The following ZIC4 variants were observed in gnomAD, a reference collection of about 807,000 sequenced individuals.
ZIC4 encodes the protein Zic family zinc finger 4, also known as zinc finger protein ZIC 4.
A neutral mutation model predicts 28.8 loss-of-function variants in ZIC4; 15 were observed. The ratio of observed to expected loss-of-function variants is 0.52; its 90% confidence interval spans 0.35 to 0.80. The LOEUF (loss-of-function observed/expected upper bound fraction) is 0.80. ZIC4 is among the 30% of genes least tolerant of loss of function. ZIC4 has a pLI of 0.01. For synonymous variants in ZIC4, 220 were observed against 198.1 expected, an observed-to-expected ratio of 1.11 and a Z score of -0.93; for missense variants, 512 against 467.1, an observed-to-expected ratio of 1.10 and a Z score of -0.89.
In ZIC4 at chr3:147,389,085, G is replaced by A. The variant is rs541836276; in HGVS notation, c.*-226C>T. The stretch of plus-strand genomic sequence containing the variant: ...TGGTGGGGTTGGTGTTTCACTATGG[G>A]AAGGAGTTGTTTGTTGCCGACTGCC... On this transcript the variant is annotated intron_variant, in intron 4 of 4. Transcript: ENST00000383075. The A allele has an allele frequency of 5.0e-4, 294 of 582,594 alleles. 4 individuals are homozygous for A. The highest frequency in any genetic ancestry group is 5.0e-3 in the South Asian group (227 of 45,056). The allele number at this position is 582,594 out of a possible 1,614,324, so 36.1% of individuals were successfully genotyped here. A position where few individuals can be genotyped will look rare whatever the true frequency, so the allele number is the denominator to read the frequency against.
intron 4 of ZIC4, among the ~76,000 whole-genome samples, chr3:147,389,695 A>G (rs1368989278): frequency 6.6e-6 from 1 of 152,118 alleles, no homozygotes; most frequent in Non-Finnish European, 1.5e-5. Flanking sequence ...CATACGCAGC[A>G]TATCAAATAC....
At chr3:147,394,618 G>A (rs2086999694) in intron 3 of ZIC4, among the ~76,000 whole-genome samples, 1 of 152,098 alleles carries the variant, frequency 6.6e-6, no homozygotes, top group Admixed American at 6.5e-5. Flanking sequence ...CCTTCCCGAA[G>A]CTAAAACCTC....
At chr3:147,392,677 T>C (rs550553553) in intron 3 of ZIC4, 1 of 153,880 alleles carries the variant, frequency 6.5e-6, no homozygotes, top group Admixed American at 6.5e-5. Context: ...AACAGGCGCT[T>C]TGGGGCTGGT....
rs767781944 is a variant in ZIC4 at position 147,395,913 on chromosome 3, C to A, written c.627G>T (p.Pro209=). ...ATCTAGCAAAGACCTTCCCACACCCCGGGAAAGGACAAGGGAAGGGCTTCT... is the reference window on the plus strand; with the variant it reads ...ATCTAGCAAAGACCTTCCCACACCCAGGGAAAGGACAAGGGAAGGGCTTCT... ...TGEKPFPCPF[P]GCGKVFARSE... is the part of the protein sequence containing the mutation. Residue 209 remains proline (P), a synonymous_variant, in exon 3 of 5, where the codon CCG becomes CCT. Transcript: ENST00000383075. 6.2e-7 allele frequency: 1 copy of A among 1,614,216 alleles called. No homozygotes were observed. Among genetic ancestry groups the A allele is most frequent in the Non-Finnish European group, 8.5e-7 (1 of 1,180,050 alleles).
At chr3:147,397,326 GTCTC>G (rs144173805) in intron 2 of ZIC4, 29 of 149,664 alleles carry the variant, frequency 1.9e-4, no homozygotes, top group African/African-American at 3.7e-4. Context: ...CACGCGGTCG[GTCTC>G]TCTCTCTCTC....
rs2087276424 is a variant in ZIC4 at position 147,406,369 on chromosome 3, C to G, written c.-22G>C. ...CCTGGACTCACGCACTTACCCCACT[C>G]CACCTGTTGCCAGGATCGCCTCATT... On this transcript the variant is annotated 5_prime_UTR_variant, in exon 1 of 5. Transcript: ENST00000383075. 6.6e-6 allele frequency: 1 copy of G among 152,572 alleles called. No individual in the cohort carries two copies. The highest frequency in any genetic ancestry group is 2.4e-5 in the African/African-American group (1 of 41,456). 9.5% of individuals were successfully genotyped at this position (152,572 alleles called of 1,614,324 possible). A position where few individuals can be genotyped will look rare whatever the true frequency, so the allele number is the denominator to read the frequency against.
chr3:147,400,587 C>T (rs1426830895), intron 2 of ZIC4, among the ~76,000 whole-genome samples: 1 of 152,192 alleles, frequency 6.6e-6, no homozygotes. Flanking sequence ...TGTTGGTTGG[C>T]TAAACCCAGC....
intron 4 of ZIC4, 129 bp downstream of exon 4, chr3:147,390,802 G>T: frequency 8.3e-7 from 1 of 1,210,746 alleles, no homozygotes. Context: ...GGTGTGTGCG[G>T]AAGCAGCAAT....
In ZIC4 at chr3:147,387,209, T is replaced by C. The variant is rs1328273535; in HGVS notation, c.*1650A>G. 1 of 152,440 alleles carries C rather than the reference T, an allele frequency of 6.6e-6. No homozygotes were observed. Among genetic ancestry groups the C allele is most frequent in the East Asian group, 1.9e-4 (1 of 5,200 alleles). 9.4% of individuals were successfully genotyped at this position (152,440 alleles called of 1,614,324 possible). ...TCACCAGACCAGGCCCTGACCCTGA[T>C]GTCTAGGCATTGCTTTTGTTTATCC... is the stretch of plus-strand genomic sequence containing the variant. On this transcript the variant is annotated 3_prime_UTR_variant, in exon 5 of 5. Coordinates refer to ENST00000383075, the MANE Select transcript of ZIC4 (RefSeq NM_032153.6).
rs1002170336 is a variant in ZIC4 at position 147,404,375 on chromosome 3, C to T, written c.-15-1563G>A. 5.8e-6 allele frequency: 6 copies of T among 1,039,990 alleles called. No individual in the cohort carries two copies. In the African/African-American group the frequency reaches 6.6e-5, roughly 11 times the overall value. 64.4% of individuals were successfully genotyped at this position (1,039,990 alleles called of 1,614,324 possible). On this transcript the variant is annotated intron_variant, in intron 1 of 4. Coordinates refer to ENST00000383075, the MANE Select transcript of ZIC4 (RefSeq NM_032153.6). ...TTGGACTAGGGCAGGCAACAGGGAC[C>T]TTAGGAGGCTCTCTGTAGCGTTTCC...
At chr3:147,403,983 T>C (rs1240082069) in intron 1 of ZIC4, 1 of 1,537,082 alleles carries the variant, frequency 6.5e-7, no homozygotes, top group East Asian at 2.4e-5. Context: ...GAGGGTATTA[T>C]TATTTTCAAT....
Position 147,391,041 on chromosome 3 carries a change from G to A in ZIC4, c.894C>T (p.Tyr298=), listed in dbSNP as rs563935904. The A allele has an allele frequency of 1.3e-5, 21 of 1,613,840 alleles. No homozygotes were observed. In the East Asian group the frequency reaches 4.2e-4, roughly 33 times the overall value. ...HGRSPPPSSG[Y]DSATPSALVS... is the part of the protein sequence containing the mutation. ...CGAGGGCAGACGGTGTAGCCGAATC[G>A]TAGCCAGAGCTGGGCGGCGGCGAGC... The change falls in exon 4 of 5, where the codon TAC becomes TAT. Residue 298 remains tyrosine, a synonymous_variant. Coordinates refer to ENST00000383075, the MANE Select transcript of ZIC4 (RefSeq NM_032153.6).
chr3:147,396,545 G>A lies in ZIC4; in HGVS notation c.71-76C>T. ...GCTCTTCCCTGGGCCCCGGGGGGCA[G>A]GCCCAGCCCTGCCGCACTACGGCCT... On this transcript the variant is annotated intron_variant, in intron 2 of 4. Transcript: ENST00000383075. The surrounding 1 kb of genome is among the most constrained non-coding windows in gnomAD (Gnocchi z 4.2). 6.8e-7 allele frequency: 1 copy of A among 1,466,706 alleles called. No individual in the cohort carries two copies. The allele number at this position is 1,466,706 out of a possible 1,614,324, so 90.9% of individuals were successfully genotyped here.
chr3:147,404,061 AG>A (rs1559966137), intron 1 of ZIC4: 1 of 1,537,208 alleles, frequency 6.5e-7, no homozygotes, highest in Non-Finnish European at 8.7e-7. Flanking sequence ...CAGGAAAGAA[AG>A]GAGGCCTAAC....
At position 147,395,706 on chromosome 3, in the gene ZIC4, C is replaced by T. The variant is rs1297079904; in HGVS notation, c.688+146G>A. 7.8e-6 allele frequency: 10 copies of T among 1,283,692 alleles called. No individual in the cohort carries two copies. The Admixed American group carries it at 1.2e-4, about 15-fold the overall frequency. 79.5% of individuals were successfully genotyped at this position (1,283,692 alleles called of 1,614,324 possible). On this transcript the variant is annotated intron_variant, in intron 3 of 4. Transcript: ENST00000383075. Reference sequence around the variant, plus strand: ...ACTTCTGTGATTCTAAGAATAGAAGCGCATAATTAATATTTTATGGCCTTG... The same window carrying T: ...ACTTCTGTGATTCTAAGAATAGAAGTGCATAATTAATATTTTATGGCCTTG...
At position 147,403,590 on chromosome 3, in the gene ZIC4, C is replaced by T. The variant is rs568209333; in HGVS notation, c.-15-778G>A. On this transcript the variant is annotated intron_variant, in intron 1 of 4. Transcript: ENST00000383075. Reference sequence around the variant, plus strand: ...AAATACTTAAAGCCATCCTGAGGACCTCTGCATCTGTCAGGCAAGGCTGAG... The same window carrying T: ...AAATACTTAAAGCCATCCTGAGGACTTCTGCATCTGTCAGGCAAGGCTGAG... The T allele has an allele frequency of 2.3e-4, 40 of 172,172 alleles. No individual in the cohort carries two copies. In the East Asian group the frequency reaches 4.3e-3, roughly 19 times the overall value. 10.7% of individuals were successfully genotyped at this position (172,172 alleles called of 1,614,324 possible).
In ZIC4 at chr3:147,388,468, G is replaced by A. The variant is rs1576452700; in HGVS notation, c.*391C>T. On this transcript the variant is annotated 3_prime_UTR_variant, in exon 5 of 5. Coordinates refer to ENST00000383075, the MANE Select transcript of ZIC4 (RefSeq NM_032153.6). The stretch of plus-strand genomic sequence containing the variant: ...GCAGAAACAAAGGGGGCTGAGCGGC[G>A]ATTCAAGCGGCTCTTTTCTTCCTTC... The A allele has an allele frequency of 4.2e-6, 1 of 237,960 alleles. No homozygotes were observed. The highest frequency in any genetic ancestry group is 1.7e-4 in the South Asian group (1 of 5,902). The allele number at this position is 237,960 out of a possible 1,614,324, so 14.7% of individuals were successfully genotyped here.
At chr3:147,402,308 C>T (rs1454821904) in intron 2 of ZIC4, among the ~76,000 whole-genome samples, 1 of 152,154 alleles carries the variant, frequency 6.6e-6, no homozygotes, top group Non-Finnish European at 1.5e-5. Context: ...ACCCCATCAT[C>T]CAGATCAAAG....
At chr3:147,389,761 C>A (rs572430344) in intron 4 of ZIC4, among the ~76,000 whole-genome samples, 1 of 152,272 alleles carries the variant, frequency 6.6e-6, no homozygotes, top group Admixed American at 6.5e-5. Context: ...TATTGTGGAT[C>A]ATTTCTCTAG....
Sources: gnomAD v4.1 joint callset for allele counts (sites outside exome capture counted in the v4.1 genomes callset) on GRCh38, gnomAD v4.1.1 for gene constraint, Gnocchi (gnomAD v3.1) non-coding constraint, MANE v1.5 for transcripts, NCBI Gene and HGNC (gene_info 2026-07-23, HGNC 2026-07-21) for gene names.